Variants in RBFOX1 observed in about 807,000 individuals in gnomAD.
RBFOX1 encodes RNA binding protein fox-1 homolog 1.
RBFOX1 carries 8 observed loss-of-function variants against 57.7 expected under a neutral mutation model. The ratio of observed to expected loss-of-function variants is 0.14; its 90% CI spans 0.08 to 0.25. The LOEUF (loss-of-function observed/expected upper bound fraction) is 0.25. Among genes scored for constraint, RBFOX1 ranks in the 10% least tolerant of loss-of-function variants. The probability of loss-of-function intolerance (pLI) is 1.00; values close to 1 mark genes in which losing one functional copy is unlikely to be tolerated. For missense variants in RBFOX1, 611 were observed against 548.5 expected (o/e 1.11, Z -1.14); for synonymous variants, 326 against 222.4 (o/e 1.47, Z -4.15).
intron 11 of RBFOX1, among the ~76,000 whole-genome samples, chr16:7,652,945 G>A (rs2144724483): frequency 6.6e-6 from 1 of 152,324 alleles, no homozygotes; most frequent in African/African-American, 2.4e-5. Context: ...TGGAAAAATA[G>A]GATGGGGGAA....
At chr16:7,664,114 A>C (rs1347823492) in intron 12 of RBFOX1, among the ~76,000 whole-genome samples, 1 of 152,248 alleles carries the variant, frequency 6.6e-6, no homozygotes, top group Non-Finnish European at 1.5e-5. Context: ...ATTCACATGT[A>C]TACACCCTTG....
At chr16:6,205,358 A>T (rs948081297) in intron 1 of RBFOX1, among the ~76,000 whole-genome samples, 5 of 152,214 alleles carry the variant, frequency 3.3e-5, no homozygotes, top group African/African-American at 9.6e-5. Context: ...TTCTGCATCA[A>T]AGCTGATAAG....
intron 1 of RBFOX1, among the ~76,000 whole-genome samples, chr16:6,173,818 C>G (rs761715895): frequency 1.3e-5 from 2 of 151,922 alleles, no homozygotes; most frequent in Non-Finnish European, 1.5e-5. Context: ...CCATGTTGGC[C>G]AGGCTGGTCT....
At chr16:7,120,680 A>T (rs1225595965) in intron 4 of RBFOX1, among the ~76,000 whole-genome samples, 2 of 140,394 alleles carry the variant, frequency 1.4e-5, no homozygotes, top group African/African-American at 5.3e-5. Context: ...ATTCCACCAA[A>T]CATTTAATGT....
chr16:5,896,456 C>T (rs1417588272), intron 4 of RBFOX1, among the ~76,000 whole-genome samples: 2 of 152,150 alleles, frequency 1.3e-5, no homozygotes, highest in African/African-American at 4.8e-5. Flanking sequence ...TGTTTTGCTT[C>T]CTCTCTTGCC....
intron 4 of RBFOX1, among the ~76,000 whole-genome samples, chr16:7,373,589 C>T (rs2097618005): frequency 6.6e-6 from 1 of 151,948 alleles, no homozygotes; most frequent in Non-Finnish European, 1.5e-5. Context: ...ATAAGGTCCA[C>T]AGCCAGTCTA....
chr16:7,332,131 G>C (rs1443453379), intron 4 of RBFOX1, among the ~76,000 whole-genome samples: 1 of 152,224 alleles, frequency 6.6e-6, no homozygotes, highest in African/African-American at 2.4e-5. Flanking sequence ...TGAAAACAGT[G>C]TTGTGGTTAG....
At chr16:7,426,186 G>A (rs940236025) in intron 4 of RBFOX1, among the ~76,000 whole-genome samples, 3 of 152,182 alleles carry the variant, frequency 2.0e-5, no homozygotes, top group Non-Finnish European at 2.9e-5. Flanking sequence ...AAACACAGCC[G>A]AAAAGAGCTC....
In RBFOX1 at chr16:5,450,473, C is replaced by T. The variant is rs201738921; in HGVS notation, c.220-16743C>T. Reference sequence around the variant, plus strand: ...GTTCTCTCATGCTCGAACCCTGCTGCGGTACAACCAGGGGAGCTGCGTGTG... The same window carrying T: ...GTTCTCTCATGCTCGAACCCTGCTGTGGTACAACCAGGGGAGCTGCGTGTG... On this transcript the variant is annotated intron_variant, in intron 1 of 2. Coordinates refer to the RBFOX1 transcript ENST00000585867. Among the ~76,000 whole-genome samples the T allele has an allele frequency of 1.7e-4, 26 of 152,264 alleles. No homozygotes were observed. In the South Asian group the frequency reaches 3.3e-3, roughly 19 times the overall value.
chr16:7,021,938 T>C (rs1046766110), intron 3 of RBFOX1, among the ~76,000 whole-genome samples: 3 of 142,326 alleles, frequency 2.1e-5, no homozygotes, highest in Non-Finnish European at 4.5e-5. Context: ...TATTTTCTTT[T>C]CTTTCTTTCT....
At chr16:6,426,804 T>G (rs2093942004) in intron 2 of RBFOX1, among the ~76,000 whole-genome samples, 1 of 152,182 alleles carries the variant, frequency 6.6e-6, no homozygotes, top group Admixed American at 6.5e-5. Flanking sequence ...TGTCTTGACC[T>G]CTGCAAATTC....
At chr16:6,997,925 G>T (rs747588821) in intron 3 of RBFOX1, among the ~76,000 whole-genome samples, 14 of 151,854 alleles carry the variant, frequency 9.2e-5, no homozygotes, top group Admixed American at 8.5e-4. Flanking sequence ...AAGGTTAAAA[G>T]AATTCTCATG....
chr16:5,778,154 G>T (rs1188058527), intron 3 of RBFOX1, among the ~76,000 whole-genome samples: 3 of 152,128 alleles, frequency 2.0e-5, no homozygotes. Context: ...AGTGTCTGTA[G>T]AAGGATAAAT....
intron 4 of RBFOX1, among the ~76,000 whole-genome samples, chr16:7,104,593 G>C (rs1486785904): frequency 2.6e-5 from 4 of 152,258 alleles, no homozygotes; most frequent in East Asian, 1.9e-4. Context: ...CTATAGTCAA[G>C]TCAGGACCTC....
At chr16:7,587,886 G>A (rs371920899) in intron 7 of RBFOX1, among the ~76,000 whole-genome samples, 1 of 152,184 alleles carries the variant, frequency 6.6e-6, no homozygotes, top group East Asian at 1.9e-4. Context: ...GAGAGGTTCT[G>A]TTTCAAAACA....
intron 3 of RBFOX1, among the ~76,000 whole-genome samples, chr16:6,805,514 A>G (rs996297994): frequency 6.6e-6 from 1 of 152,168 alleles, no homozygotes; most frequent in Non-Finnish European, 1.5e-5. Flanking sequence ...ATGAACCTGT[A>G]CATGTACCTC....
At chr16:7,371,288 T>G (rs1056692542) in intron 4 of RBFOX1, among the ~76,000 whole-genome samples, 3 of 152,136 alleles carry the variant, frequency 2.0e-5, no homozygotes, top group East Asian at 1.9e-4. Context: ...GATTAACCAG[T>G]AAACTTTTTT....
intron 3 of RBFOX1, among the ~76,000 whole-genome samples, chr16:5,622,803 G>T (rs183680564): frequency 1.3e-5 from 2 of 152,180 alleles, no homozygotes; most frequent in Non-Finnish European, 2.9e-5. Context: ...TGCATCTGTG[G>T]ATTCAACCAA....
At chr16:6,321,993 C>T (rs1008910975) in intron 2 of RBFOX1, among the ~76,000 whole-genome samples, 4 of 152,208 alleles carry the variant, frequency 2.6e-5, no homozygotes, top group Non-Finnish European at 5.9e-5. Flanking sequence ...AATCAGTCCA[C>T]GTCTCACTCA....
Sources: gnomAD v4.1 joint callset for allele counts (sites outside exome capture counted in the v4.1 genomes callset) on GRCh38, gnomAD v4.1.1 for gene constraint, MANE v1.5 for transcripts, NCBI Gene and HGNC (gene_info 2026-07-23, HGNC 2026-07-21) for gene names.